Variants in JAZF1 observed in about 807,000 individuals in gnomAD.
JAZF1 encodes juxtaposed with another zinc finger protein 1.
JAZF1 carries 8 observed loss-of-function variants against 26.4 expected under a neutral mutation model. The observed-to-expected ratio is 0.30, with a 90% CI of 0.18 to 0.55. JAZF1 has a LOEUF of 0.55. Among genes scored for constraint, JAZF1 ranks in the 20% least tolerant of loss-of-function variants. The pLI is 0.94. For missense variants in JAZF1, 199 were observed against 322.0 expected (o/e 0.62, Z 2.92); for synonymous variants, 126 against 122.3 (o/e 1.03, Z -0.20).
intron 4 of JAZF1, among the ~76,000 whole-genome samples, chr7:27,838,690 C>T (rs1326107073): frequency 2.0e-5 from 3 of 152,224 alleles, no homozygotes; most frequent in Non-Finnish European, 4.4e-5. Context: ...GCCCTGCCTT[C>T]CAGCCAGCAA....
chr7:27,976,101 T>C (rs1224719379), intron 2 of JAZF1, among the ~76,000 whole-genome samples: 1 of 152,144 alleles, frequency 6.6e-6, no homozygotes, highest in Admixed American at 6.5e-5. Context: ...TCCCAGCACT[T>C]TGGGAGGCCA....
At chr7:28,029,447 T>C (rs895355273) in intron 1 of JAZF1, among the ~76,000 whole-genome samples, 1 of 151,996 alleles carries the variant, frequency 6.6e-6, no homozygotes, top group African/African-American at 2.4e-5. Context: ...TCTCAAATAA[T>C]CCACAATCAA....
chr7:27,966,583 C>A (rs541866572), intron 2 of JAZF1, among the ~76,000 whole-genome samples: 2 of 152,162 alleles, frequency 1.3e-5, no homozygotes, highest in Non-Finnish European at 2.9e-5. Flanking sequence ...AGATGAGGTC[C>A]ATAAACTGCA....
At chr7:28,114,334 C>T (rs1433482979) in intron 1 of JAZF1, among the ~76,000 whole-genome samples, 3 of 152,076 alleles carry the variant, frequency 2.0e-5, no homozygotes, top group Non-Finnish European at 2.9e-5. Context: ...TAATTCCCAT[C>T]TTCCAGTCTG....
At chr7:27,860,097 C>G (rs1783351617) in intron 3 of JAZF1, among the ~76,000 whole-genome samples, 1 of 152,122 alleles carries the variant, frequency 6.6e-6, no homozygotes, top group Non-Finnish European at 1.5e-5. Context: ...ACTGATGCAT[C>G]AAAACTTGGG....
intron 3 of JAZF1, chr7:27,841,117 G>A (rs907458801): frequency 4.7e-6 from 2 of 423,324 alleles, no homozygotes; most frequent in Non-Finnish European, 8.4e-6. Context: ...AGTTGGCGGA[G>A]CAAGAACATT....
At chr7:28,161,257 TAAAAAAAAA>T (rs10630786) in intron 1 of JAZF1, among the ~76,000 whole-genome samples, 1 of 77,180 alleles carries the variant, frequency 1.3e-5, no homozygotes, top group Non-Finnish European at 2.4e-5. Flanking sequence ...TCCTTTAATC[TAAAAAAAAA>T]AAAAAAAAAA....
At chr7:28,157,468 C>T (rs896034853) in intron 1 of JAZF1, among the ~76,000 whole-genome samples, 5 of 152,282 alleles carry the variant, frequency 3.3e-5, no homozygotes, top group Admixed American at 2.0e-4. Context: ...TATTTATGGA[C>T]GTGAAATCTG....
chr7:27,999,063 C>A (rs149145314), intron 1 of JAZF1, among the ~76,000 whole-genome samples: 5 of 152,148 alleles, frequency 3.3e-5, no homozygotes, highest in African/African-American at 1.2e-4. Flanking sequence ...CCCAAGCTCT[C>A]GCCTTGTTAC....
chr7:27,950,122 A>G (rs906180310), intron 2 of JAZF1, among the ~76,000 whole-genome samples: 1 of 152,234 alleles, frequency 6.6e-6, no homozygotes, highest in Non-Finnish European at 1.5e-5. Context: ...TTCAAGGTTC[A>G]AGACTTTGTA....
At chr7:27,948,499 GA>G (rs1192428520) in intron 2 of JAZF1, among the ~76,000 whole-genome samples, 1 of 152,110 alleles carries the variant, frequency 6.6e-6, no homozygotes, top group Non-Finnish European at 1.5e-5. Flanking sequence ...TATGGAAAAT[GA>G]GACCAAATCA....
intron 3 of JAZF1, among the ~76,000 whole-genome samples, chr7:27,846,339 G>A (rs912883134): frequency 1.4e-5 from 2 of 141,742 alleles, no homozygotes; most frequent in African/African-American, 4.9e-5. Context: ...ATATGTACAC[G>A]TATATATACA....
chr7:27,859,319 T>C (rs1451642484), intron 3 of JAZF1, among the ~76,000 whole-genome samples: 1 of 152,214 alleles, frequency 6.6e-6, no homozygotes, highest in Non-Finnish European at 1.5e-5. Context: ...AGTGTGGTGA[T>C]TCCTCAAGGA....
intron 2 of JAZF1, among the ~76,000 whole-genome samples, chr7:27,959,079 T>C (rs112854752): frequency 2.0e-5 from 3 of 152,276 alleles, no homozygotes; most frequent in Admixed American, 6.5e-5. Context: ...TAAAAAGACA[T>C]GTTATTAACT....
intron 3 of JAZF1, among the ~76,000 whole-genome samples, chr7:27,867,164 T>C (rs145590422): frequency 6.6e-6 from 1 of 152,300 alleles, no homozygotes; most frequent in African/African-American, 2.4e-5. Flanking sequence ...TGGATATTTT[T>C]ATGCCAAGAG....
At chr7:28,079,041 T>C (rs929457032) in intron 1 of JAZF1, among the ~76,000 whole-genome samples, 1 of 150,908 alleles carries the variant, frequency 6.6e-6, no homozygotes, top group African/African-American at 2.4e-5. Context: ...CAGGCTGGAG[T>C]GCAAGTGGCG....
intron 2 of JAZF1, among the ~76,000 whole-genome samples, chr7:27,898,659 TCA>T (rs1343135822): frequency 6.6e-6 from 1 of 151,944 alleles, no homozygotes; most frequent in Admixed American, 6.6e-5. Context: ...ATAACAACAT[TCA>T]CACACACAAA....
At chr7:28,069,687 A>T (rs1006531256) in intron 1 of JAZF1, among the ~76,000 whole-genome samples, 2 of 152,054 alleles carry the variant, frequency 1.3e-5, no homozygotes, top group African/African-American at 4.8e-5. Flanking sequence ...CTAATCTCCA[A>T]CCCTCTGGTT....
chr7:28,167,345 T>C (rs916269520), intron 1 of JAZF1, among the ~76,000 whole-genome samples: 10 of 152,174 alleles, frequency 6.6e-5, no homozygotes, highest in Admixed American at 3.3e-4. Context: ...ATAGGTGGTG[T>C]CTCACAAAAC....
Sources: gnomAD v4.1 joint callset for allele counts (sites outside exome capture counted in the v4.1 genomes callset) on GRCh38, gnomAD v4.1.1 for gene constraint, MANE v1.5 for transcripts, NCBI Gene and HGNC (gene_info 2026-07-23, HGNC 2026-07-21) for gene names.